RYK: variants seen among roughly 807,000 people sequenced by gnomAD.
RYK encodes receptor like tyrosine kinase.
A neutral mutation model predicts 70.2 loss-of-function variants in RYK; 21 were observed. The observed-to-expected ratio is 0.30, with a 90% CI of 0.21 to 0.43. The LOEUF is 0.43. Ranked by LOEUF, RYK falls within the 20% of genes least tolerant of loss-of-function variation. The pLI is 1.00. For missense variants in RYK, 604 were observed against 753.3 expected, an observed-to-expected ratio of 0.80 and a Z score of 2.32; for synonymous variants, 267 against 278.0, an observed-to-expected ratio of 0.96 and a Z score of 0.39.
chr3:134,224,776 T>A (rs1341021985), intron 1 of RYK, among the ~76,000 whole-genome samples: 1 of 152,194 alleles, frequency 6.6e-6, no homozygotes, highest in East Asian at 1.9e-4. Flanking sequence ...GGGCTCACAC[T>A]CTTGTCTTCT....
intron 10 of RYK, chr3:134,178,938 C>G (rs1310785636): frequency 1.3e-5 from 2 of 152,130 alleles, no homozygotes; most frequent in Non-Finnish European, 1.5e-5. Flanking sequence ...CCCAACACTT[C>G]GTAATCTATG....
intron 6 of RYK, among the ~76,000 whole-genome samples, chr3:134,195,871 G>A (rs1470368826): frequency 6.6e-6 from 1 of 152,014 alleles, no homozygotes; most frequent in Non-Finnish European, 1.5e-5. Context: ...GCTTGAATCT[G>A]GGAGGTGGAG....
intron 13 of RYK, among the ~76,000 whole-genome samples, chr3:134,163,257 A>T (rs1448716090): frequency 6.6e-6 from 1 of 152,238 alleles, no homozygotes. Context: ...TTAAAAAAAT[A>T]ATCAAGACAA....
At chr3:134,198,489 T>C (rs2013884597) in intron 6 of RYK, among the ~76,000 whole-genome samples, 1 of 152,174 alleles carries the variant, frequency 6.6e-6, no homozygotes, top group Non-Finnish European at 1.5e-5. Flanking sequence ...TTGTTTAATA[T>C]CTGTCTCATC....
At chr3:134,167,436 ATAC>A (rs1559999694) in intron 13 of RYK, among the ~76,000 whole-genome samples, 1 of 152,230 alleles carries the variant, frequency 6.6e-6, no homozygotes, top group African/African-American at 2.4e-5. Context: ...CTCAAAAATA[ATAC>A]TACACATCTA....
At chr3:134,246,617 A>G (rs2015475744) in intron 1 of RYK, among the ~76,000 whole-genome samples, 1 of 152,172 alleles carries the variant, frequency 6.6e-6, no homozygotes, top group South Asian at 2.1e-4. Context: ...AAAACTGTGA[A>G]TATGCCATCA....
intron 1 of RYK, among the ~76,000 whole-genome samples, chr3:134,235,997 G>A (rs2015190552): frequency 6.6e-6 from 1 of 151,806 alleles, no homozygotes; most frequent in Non-Finnish European, 1.5e-5. Flanking sequence ...ATTCCAATGA[G>A]TGCCTTATTT....
At chr3:134,233,759 A>T (rs922080946) in intron 1 of RYK, among the ~76,000 whole-genome samples, 5 of 152,192 alleles carry the variant, frequency 3.3e-5, no homozygotes, top group Non-Finnish European at 5.9e-5. Context: ...ATAAGTGACT[A>T]AAAAACACTG....
chr3:134,191,937 T>C lies in RYK; in HGVS notation c.927A>G (p.Arg309=), dbSNP rs2013653603. The change falls in exon 8 of 15, where the codon AGA becomes AGG. Residue 309 remains arginine (R), a synonymous_variant. Coordinates refer to ENST00000623711, the MANE Select transcript of RYK (RefSeq NM_002958.4). ...PTLRIEKNDL[R]SVTLLEAKGK... ...CTTTGGCCTCCAAAAGAGTGACACT[T>C]CTCAAGTCGTTCTTCTCTATCCGCA... 2 of 1,613,360 alleles carry C rather than the reference T, an allele frequency of 1.2e-6. No individual in the cohort carries two copies. The highest frequency in any genetic ancestry group is 3.3e-5 in the Admixed American group (2 of 59,940).
rs145124408 is a variant in RYK, at chr3:134,160,770, G to A, written c.1576-1397C>T. 1.2e-3 allele frequency among the ~76,000 whole-genome samples: 178 copies of A among 152,252 alleles called. 1 individual carries two copies. Among genetic ancestry groups the A allele is most frequent in the African/African-American group, 3.6e-3 (151 of 41,558 alleles). On this transcript the variant is annotated intron_variant, in intron 13 of 14. Coordinates refer to ENST00000623711, the MANE Select transcript of RYK (RefSeq NM_002958.4). ...CTCGGGAGGCTGAAGCAGGAGAATC[G>A]CTTAAACCCGGGAGGCGGAGGTTGC...
intron 1 of RYK, among the ~76,000 whole-genome samples, chr3:134,239,325 T>C (rs1370704149): frequency 6.6e-6 from 1 of 151,970 alleles, no homozygotes; most frequent in African/African-American, 2.4e-5. Flanking sequence ...TAGTGGGGTA[T>C]GGTAGCTCAC....
At chr3:134,197,542 T>C (rs897029656) in intron 6 of RYK, among the ~76,000 whole-genome samples, 5 of 152,224 alleles carry the variant, frequency 3.3e-5, no homozygotes, top group Admixed American at 2.6e-4. Context: ...ATATTAATTA[T>C]GTGAATATTA....
intron 1 of RYK, among the ~76,000 whole-genome samples, chr3:134,236,562 G>A (rs1262639745): frequency 6.6e-6 from 1 of 152,106 alleles, no homozygotes; most frequent in African/African-American, 2.4e-5. Flanking sequence ...TTTTGCACAA[G>A]AGTAAAAGCA....
rs755461371 is a variant in RYK, at chr3:134,159,265, C to G, written c.1684G>C (p.Ala562Pro). 6.8e-6 allele frequency: 11 copies of G among 1,613,750 alleles called. No individual in the cohort carries two copies. Among genetic ancestry groups the G allele is most frequent in the Non-Finnish European group, 8.5e-6 (10 of 1,179,832 alleles). ...AAYLKDGYRI[A>P]QPINCPDELF... is the part of the protein sequence containing the mutation. ...TCATCAGGACAGTTGATTGGCTGGG[C>G]TATTCGGTAACCATCTTTCAGGTAT... is the stretch of plus-strand genomic sequence containing the variant. Residue 562 changes from alanine to proline, a missense_variant, in exon 14 of 15, where the codon GCC becomes CCC. Transcript: ENST00000623711.
intron 1 of RYK, among the ~76,000 whole-genome samples, chr3:134,232,548 A>G (rs1247676968): frequency 1.3e-5 from 2 of 152,172 alleles, no homozygotes; most frequent in African/African-American, 4.8e-5. Flanking sequence ...AAAATTCACT[A>G]CCATAGACTG....
At chr3:134,181,677 T>A (rs1342972523) in intron 10 of RYK, 1 of 152,192 alleles carries the variant, frequency 6.6e-6, no homozygotes, top group Non-Finnish European at 1.5e-5. Flanking sequence ...ATAACCACAG[T>A]TCTTTTTTTA....
At chr3:134,200,682 C>T (rs144246549) in intron 6 of RYK, among the ~76,000 whole-genome samples, 1,830 of 152,298 alleles carry the variant, frequency 0.012, 11 homozygotes, top group Non-Finnish European at 0.018. Flanking sequence ...GTGTGTATTT[C>T]TGCTTTACAG....
intron 1 of RYK, among the ~76,000 whole-genome samples, chr3:134,240,580 A>T (rs2015299343): frequency 6.6e-6 from 1 of 152,188 alleles, no homozygotes; most frequent in African/African-American, 2.4e-5. Context: ...AACAGAGTGA[A>T]TCTTAATATA....
chr3:134,230,678 T>C (rs776872547), intron 1 of RYK, among the ~76,000 whole-genome samples: 3 of 152,236 alleles, frequency 2.0e-5, no homozygotes, highest in Non-Finnish European at 4.4e-5. Flanking sequence ...GAAGGGAAAC[T>C]GTTGAATTTA....
Sources: gnomAD v4.1 joint callset for allele counts (sites outside exome capture counted in the v4.1 genomes callset) on GRCh38, gnomAD v4.1.1 for gene constraint, MANE v1.5 for transcripts, NCBI Gene and HGNC (gene_info 2026-07-23, HGNC 2026-07-21) for gene names.